LRMDA: variants seen among roughly 807,000 people sequenced by gnomAD.
LRMDA encodes leucine-rich melanocyte differentiation-associated protein.
In LRMDA, 18 loss-of-function variants were observed where a neutral mutation model predicts 29.8. That is an observed-to-expected ratio of 0.60 (90% CI 0.42 to 0.90). The LOEUF is 0.90. LRMDA is among the 40% of genes least tolerant of loss of function. LRMDA has a pLI of 0.00. For synonymous variants in LRMDA, 125 were observed against 109.4 expected (o/e 1.14, Z -0.89); for missense variants, 273 against 273.9 (o/e 1.00, Z 0.02).
At position 76,316,759 on chromosome 10, in the gene LRMDA, A is replaced by G. The variant is rs188705566; in HGVS notation, c.517-7642A>G. On this transcript the variant is annotated intron_variant, in intron 5 of 6. Transcript: ENST00000611255. Reference sequence around the variant, plus strand: ...TTCTGATTATGTTCTATGTTTGAATATATGACACAAACTAAATCTTCAGCA... The same window carrying G: ...TTCTGATTATGTTCTATGTTTGAATGTATGACACAAACTAAATCTTCAGCA... Among the ~76,000 whole-genome samples, 1,362 of 152,350 alleles carry G rather than the reference A, an allele frequency of 8.9e-3. 9 individuals carry two copies. The highest frequency in any genetic ancestry group is 0.012 in the Non-Finnish European group (808 of 68,018).
At chr10:75,472,274 G>T (rs1157479188) in intron 2 of LRMDA, among the ~76,000 whole-genome samples, 1 of 152,028 alleles carries the variant, frequency 6.6e-6, no homozygotes, top group Non-Finnish European at 1.5e-5. Context: ...ATGAATTCCT[G>T]TCTCCCCAAA....
chr10:76,143,693 T>G (rs1368371621), intron 5 of LRMDA, among the ~76,000 whole-genome samples: 1 of 152,218 alleles, frequency 6.6e-6, no homozygotes, highest in African/African-American at 2.4e-5. Context: ...GCTGTTGAGT[T>G]TAATTAGATC....
chr10:76,027,706 A>C (rs1165590832), intron 2 of LRMDA, among the ~76,000 whole-genome samples: 1 of 152,214 alleles, frequency 6.6e-6, no homozygotes, highest in Non-Finnish European at 1.5e-5. Flanking sequence ...AGCTTGGTGC[A>C]GATTAAAATT....
At chr10:75,578,405 A>C (rs1339605752) in intron 2 of LRMDA, among the ~76,000 whole-genome samples, 1 of 151,980 alleles carries the variant, frequency 6.6e-6, no homozygotes, top group Non-Finnish European at 1.5e-5. Flanking sequence ...TCATAAAGCA[A>C]GTTCTTAGAG....
chr10:75,770,120 A>G (rs1278555224), intron 2 of LRMDA, among the ~76,000 whole-genome samples: 2 of 151,854 alleles, frequency 1.3e-5, no homozygotes, highest in Non-Finnish European at 2.9e-5. Context: ...GCAAGACACC[A>G]TCTTTACAAA....
intron 2 of LRMDA, among the ~76,000 whole-genome samples, chr10:75,888,235 T>C (rs959587696): frequency 7.2e-5 from 11 of 152,180 alleles, no homozygotes; most frequent in Non-Finnish European, 7.3e-5. Flanking sequence ...AAGAGAGAGT[T>C]CTGAGAGCTG....
intron 2 of LRMDA, among the ~76,000 whole-genome samples, chr10:75,813,645 T>C (rs1844004021): frequency 1.3e-5 from 2 of 152,332 alleles, no homozygotes; most frequent in South Asian, 4.2e-4. Context: ...AAAGTGATAT[T>C]TGCCAGAAAA....
At chr10:75,751,708 T>C (rs965642323) in intron 2 of LRMDA, among the ~76,000 whole-genome samples, 1 of 151,842 alleles carries the variant, frequency 6.6e-6, no homozygotes, top group Non-Finnish European at 1.5e-5. Flanking sequence ...CAGTGATCTT[T>C]ATTTCTCATT....
chr10:75,885,468 A>G (rs1391230117), intron 2 of LRMDA, among the ~76,000 whole-genome samples: 2 of 152,230 alleles, frequency 1.3e-5, no homozygotes, highest in Admixed American at 6.5e-5. Context: ...TTTCAGCTTA[A>G]GCATGACATG....
At chr10:76,422,210 G>A (rs1589177188) in intron 6 of LRMDA, among the ~76,000 whole-genome samples, 1 of 152,178 alleles carries the variant, frequency 6.6e-6, no homozygotes, top group South Asian at 2.1e-4. Context: ...TGCAGGTTGA[G>A]AATTGAAAAT....
intron 6 of LRMDA, among the ~76,000 whole-genome samples, chr10:76,520,214 G>A (rs1444737304): frequency 6.6e-6 from 1 of 150,454 alleles, no homozygotes; most frequent in Non-Finnish European, 1.5e-5. Flanking sequence ...ATATTATTTT[G>A]TGATAGAATC....
intron 2 of LRMDA, among the ~76,000 whole-genome samples, chr10:76,009,123 AACAAAGCCCCTC>A (rs1157859275): frequency 2.6e-5 from 4 of 152,124 alleles, no homozygotes; most frequent in Non-Finnish European, 2.9e-5. Flanking sequence ...TACAAACAAT[AACAAAGCCCCTC>A]ACTCTGCTTT....
At chr10:76,539,482 G>C (rs1377183922) in intron 6 of LRMDA, among the ~76,000 whole-genome samples, 1 of 152,130 alleles carries the variant, frequency 6.6e-6, no homozygotes, top group African/African-American at 2.4e-5. Context: ...GCAAACTTTT[G>C]AGTCCACCAT....
intron 2 of LRMDA, among the ~76,000 whole-genome samples, chr10:75,904,785 G>C (rs1167636819): frequency 6.6e-6 from 1 of 152,176 alleles, no homozygotes; most frequent in African/African-American, 2.4e-5. Context: ...GCTATAGATT[G>C]ATGAGCCGAG....
At chr10:76,466,474 G>A (rs1014919236) in intron 6 of LRMDA, among the ~76,000 whole-genome samples, 1 of 152,124 alleles carries the variant, frequency 6.6e-6, no homozygotes, top group African/African-American at 2.4e-5. Flanking sequence ...ATTGAAGGAT[G>A]GATTTTTACT....
intron 3 of LRMDA, among the ~76,000 whole-genome samples, chr10:76,044,025 C>T (rs1352211074): frequency 1.3e-5 from 2 of 150,478 alleles, no homozygotes; most frequent in Admixed American, 6.6e-5. Context: ...AGTATGTCAG[C>T]ACCATTCTGG....
intron 2 of LRMDA, among the ~76,000 whole-genome samples, chr10:75,785,486 A>G (rs898712109): frequency 5.3e-5 from 8 of 152,178 alleles, no homozygotes; most frequent in African/African-American, 1.7e-4. Context: ...CATGATGGCT[A>G]TATTTGAGAA....
rs901626761 is a variant in LRMDA at position 76,346,843 on chromosome 10, A to G, written c.601+22358A>G. On this transcript the variant is annotated intron_variant, in intron 6 of 6. Coordinates refer to ENST00000611255, the MANE Select transcript of LRMDA (RefSeq NM_001305581.2). ...CAAAACCAGGTTTCTCTAACACCTGAAGCCTGTGTTCTTTCCTCTGTTCCA... is the reference window on the plus strand; with the variant it reads ...CAAAACCAGGTTTCTCTAACACCTGGAGCCTGTGTTCTTTCCTCTGTTCCA... Among the ~76,000 whole-genome samples, 5 of 152,298 alleles carry G rather than the reference A, an allele frequency of 3.3e-5. No homozygotes were observed. The East Asian group carries it at 9.6e-4, about 29-fold the overall frequency.
intron 2 of LRMDA, among the ~76,000 whole-genome samples, chr10:75,501,291 A>G (rs575721205): frequency 7.0e-4 from 106 of 152,362 alleles, no homozygotes; most frequent in Non-Finnish European, 1.2e-3. Context: ...ACAAGGGAGT[A>G]GATGACAACT....
Sources: allele counts gnomAD v4.1 joint callset (sites outside exome capture counted in the v4.1 genomes callset), GRCh38; gene constraint gnomAD v4.1.1; transcripts MANE v1.5; gene names NCBI Gene and HGNC (gene_info 2026-07-23, HGNC 2026-07-21).